Variants in RHBDL3 observed in about 807,000 individuals in gnomAD.
RHBDL3 encodes rhomboid like 3.
In RHBDL3, 28 loss-of-function variants were observed where a neutral mutation model predicts 48.2. The observed-to-expected ratio is 0.58, with a 90% confidence interval of 0.43 to 0.80. RHBDL3 has a LOEUF of 0.80. Ranked by LOEUF, RHBDL3 falls within the 30% of genes least tolerant of loss-of-function variation. RHBDL3 has a pLI of 0.00. For missense variants in RHBDL3, 464 were observed against 542.7 expected (o/e 0.85, Z 1.44); for synonymous variants, 208 against 232.3 (o/e 0.90, Z 0.95).
intron 8 of RHBDL3, among the ~76,000 whole-genome samples, chr17:32,316,661 CAT>C (rs971213465): frequency 3.3e-5 from 5 of 151,660 alleles, no homozygotes; most frequent in African/African-American, 7.3e-5. Flanking sequence ...TGGGACTACA[CAT>C]GTGTGGGTCC....
rs372297808 is a variant in RHBDL3, at chr17:32,320,996, C to T, written c.982C>T (p.His328Tyr). The T allele has an allele frequency of 2.2e-5, 35 of 1,613,700 alleles. No homozygotes were observed. The African/African-American group carries it at 4.0e-4, about 18-fold the overall frequency. The stretch of plus-strand genomic sequence containing the variant: ...TGGGCGGGCCGTGTGGCTCCGCTTC[C>T]ACCCGTCGGCCTATCCCCCGTGCCC... ...EFGRAVWLRF[H>Y]PSAYPPCPHP... Residue 328 changes from histidine (H) to tyrosine (Y), a missense_variant, in exon 9 of 9, where the codon CAC (histidine) becomes TAC (tyrosine). Physicochemically the swap from His to Tyr is moderately conservative, Grantham distance 83. Coordinates refer to ENST00000269051, the MANE Select transcript of RHBDL3 (RefSeq NM_138328.3).
chr17:32,319,188 C>A, intron 8 of RHBDL3, among the ~76,000 whole-genome samples: 1 of 151,598 alleles, frequency 6.6e-6, no homozygotes, highest in East Asian at 1.9e-4. Flanking sequence ...TTTGGGAGGC[C>A]GAGGCGGACG....
At chr17:32,310,724 T>A (rs879937792) in intron 7 of RHBDL3, among the ~76,000 whole-genome samples, 39,524 of 97,894 alleles carry the variant, frequency 0.4, 6,970 homozygotes, top group Non-Finnish European at 0.46. Context: ...AAAAAATATA[T>A]ATATAAAAAA....
rs959099399 is a variant in RHBDL3, at chr17:32,265,924, G to A, written c.-266G>A. 6.8e-6 allele frequency among the ~76,000 whole-genome samples: 1 copy of A among 146,808 alleles called. No homozygotes were observed. Among genetic ancestry groups the A allele is most frequent in the African/African-American group, 2.4e-5 (1 of 40,856 alleles). On this transcript the variant is annotated 5_prime_UTR_variant, in exon 1 of 9. Coordinates refer to ENST00000269051, the MANE Select transcript of RHBDL3 (RefSeq NM_138328.3). Reference sequence around the variant, plus strand: ...GCGCCCTCGCCTCGGAGCCGGGCGCGAGGGCCGGGGCGGAGGCGGAGGCCG... The same window carrying A: ...GCGCCCTCGCCTCGGAGCCGGGCGCAAGGGCCGGGGCGGAGGCGGAGGCCG...
At chr17:32,274,805 C>T (rs998421122) in intron 2 of RHBDL3, among the ~76,000 whole-genome samples, 15 of 116,588 alleles carry the variant, frequency 1.3e-4, no homozygotes, top group Non-Finnish European at 3.7e-5. Flanking sequence ...TATGTGTGCA[C>T]GTGTGTTTGT....
chr17:32,292,822 A>AAAG (rs2040363441), intron 4 of RHBDL3, among the ~76,000 whole-genome samples: 1 of 143,374 alleles, frequency 7.0e-6, no homozygotes. Context: ...AAAAAAAAAA[A>AAAG]GGAAGGGAAG....
intron 4 of RHBDL3, among the ~76,000 whole-genome samples, chr17:32,291,061 G>A (rs1191660256): frequency 6.6e-6 from 1 of 151,130 alleles, no homozygotes; most frequent in Non-Finnish European, 1.5e-5. Context: ...GGCCGGACGT[G>A]GTGGCTCACA....
intron 4 of RHBDL3, among the ~76,000 whole-genome samples, chr17:32,292,136 A>G (rs1451296485): frequency 6.6e-6 from 1 of 152,136 alleles, no homozygotes; most frequent in Non-Finnish European, 1.5e-5. Flanking sequence ...CGTAAATGAT[A>G]CATTTTAGAA....
At position 32,323,749 on chromosome 17, in the gene RHBDL3, T is replaced by G. The variant is rs532009954; in HGVS notation, c.*2520T>G. On this transcript the variant is annotated 3_prime_UTR_variant, in exon 9 of 9. Coordinates refer to ENST00000269051, the MANE Select transcript of RHBDL3 (RefSeq NM_138328.3). The stretch of plus-strand genomic sequence containing the variant: ...GCTGCCAAGGACCCTCGTCTACACC[T>G]TAGACCACCAGCCCCAGCTGTTCTC... The G allele has an allele frequency of 6.6e-6, 1 of 152,584 alleles. No homozygotes were observed. The allele number at this position is 152,584 out of a possible 1,614,324, so 9.5% of individuals were successfully genotyped here.
At chr17:32,316,939 T>A (rs2040990351) in intron 8 of RHBDL3, among the ~76,000 whole-genome samples, 1 of 151,522 alleles carries the variant, frequency 6.6e-6, no homozygotes, top group South Asian at 2.1e-4. Context: ...TGGTGTGATC[T>A]CGGCTCACCA....
chr17:32,317,969 G>A (rs2041015672), intron 8 of RHBDL3, among the ~76,000 whole-genome samples: 1 of 151,900 alleles, frequency 6.6e-6, no homozygotes, highest in Admixed American at 6.6e-5. Flanking sequence ...AGCACTTTGG[G>A]AGGCCAAGGT....
At chr17:32,273,729 G>T (rs1345895441) in intron 2 of RHBDL3, among the ~76,000 whole-genome samples, 1 of 151,990 alleles carries the variant, frequency 6.6e-6, no homozygotes, top group Non-Finnish European at 1.5e-5. Context: ...AATAGAGTAG[G>T]TTTTTTTGTT....
intron 2 of RHBDL3, among the ~76,000 whole-genome samples, chr17:32,272,384 G>T (rs998237301): frequency 6.6e-6 from 1 of 152,330 alleles, no homozygotes; most frequent in African/African-American, 2.4e-5. Context: ...AAGGTGTTCT[G>T]GGAGCTGAAA....
chr17:32,293,307 C>T (rs947028532), intron 4 of RHBDL3, among the ~76,000 whole-genome samples: 6 of 151,392 alleles, frequency 4.0e-5, no homozygotes, highest in African/African-American at 1.2e-4. Context: ...TAAGGCCGGG[C>T]GCAGTGGCTC....
intron 7 of RHBDL3, among the ~76,000 whole-genome samples, chr17:32,310,118 G>T (rs1322707044): frequency 6.6e-6 from 1 of 152,106 alleles, no homozygotes; most frequent in Non-Finnish European, 1.5e-5. Context: ...ATTGCCTCCT[G>T]CTGGCCAGAG....
Position 32,284,748 on chromosome 17 carries a change from G to T in RHBDL3, c.225G>T (p.Arg75Ser). The change falls in exon 3 of 9, where the codon AGG becomes AGT. Residue 75 changes from arginine (R) to serine (S), a missense_variant. By Grantham distance (110) the Arg-to-Ser change is moderately radical. Transcript: ENST00000269051. ...SHSSKLDPHK[R>S]EVLLALADSH... ...GCTCCAAGCTGGACCCGCACAAAAG[G>T]GAGGTCCTCCTGGCTCTTGCCGACA... 1 of 1,614,162 alleles carries T rather than the reference G, an allele frequency of 6.2e-7. No individual in the cohort carries two copies. The highest frequency in any genetic ancestry group is 1.1e-5 in the South Asian group (1 of 91,080).
rs77163497 is a variant in RHBDL3 at position 32,289,987 on chromosome 17, G to A, written c.519+971G>A. ...TCATCCAAGTACATGTTGAAGTTGC[G>A]ATTTTTCTGAGATATTCTTGGACTC... On this transcript the variant is annotated intron_variant, in intron 4 of 8. Transcript: ENST00000269051. Among the ~76,000 whole-genome samples the A allele has an allele frequency of 1.1e-3, 169 of 152,316 alleles. 1 individual carries two copies. The East Asian group carries it at 0.027, about 24-fold the overall frequency.
rs1458052149 is a variant in RHBDL3, at chr17:32,322,337, G to C, written c.*1108G>C. ...TCCTGTCCCTTCCACACCTGCCCCT[G>C]AGCATCACTGACCGGTGGCAGAATG... On this transcript the variant is annotated 3_prime_UTR_variant, in exon 9 of 9. Coordinates refer to ENST00000269051, the MANE Select transcript of RHBDL3 (RefSeq NM_138328.3). The C allele has an allele frequency of 6.6e-6, 1 of 152,484 alleles. No homozygotes were observed. Among genetic ancestry groups the C allele is most frequent in the Non-Finnish European group, 1.5e-5 (1 of 68,228 alleles). 9.4% of individuals were successfully genotyped at this position (152,484 alleles called of 1,614,324 possible).
intron 2 of RHBDL3, among the ~76,000 whole-genome samples, chr17:32,277,411 G>A (rs2039939789): frequency 1.3e-5 from 2 of 152,206 alleles, no homozygotes; most frequent in Non-Finnish European, 2.9e-5. Flanking sequence ...TGAAGCCTTG[G>A]CCTGGCTCAT....
Sources: gnomAD v4.1 joint callset for allele counts (sites outside exome capture counted in the v4.1 genomes callset) on GRCh38, gnomAD v4.1.1 for gene constraint, MANE v1.5 for transcripts, NCBI Gene and HGNC (gene_info 2026-07-23, HGNC 2026-07-21) for gene names.